Variants in XRN2 observed in about 807,000 individuals in gnomAD.
The protein encoded by XRN2 is 5'-3' exoribonuclease 2, also known as DHM1-like protein.
A neutral mutation model predicts 138.5 loss-of-function variants in XRN2; 44 were observed. That is an observed-to-expected ratio of 0.32 (90% CI 0.25 to 0.41). The LOEUF is 0.41. XRN2 is among the 10% of genes least tolerant of loss of function. The pLI is 1.00. For missense variants in XRN2, 937 were observed against 1,169.3 expected (o/e 0.80, Z 2.90); for synonymous variants, 354 against 369.4 (o/e 0.96, Z 0.48).
At chr20:21,353,405 C>T (rs2038537111) in intron 20 of XRN2, among the ~76,000 whole-genome samples, 1 of 150,470 alleles carries the variant, frequency 6.6e-6, no homozygotes, top group Non-Finnish European at 1.5e-5. Flanking sequence ...TTGAAATAGC[C>T]TGACTCACAT....
intron 29 of XRN2, 80 bp downstream of exon 29, chr20:21,387,086 A>G (rs1039256280): frequency 6.6e-6 from 10 of 1,518,064 alleles, no homozygotes; most frequent in East Asian, 2.3e-5. Flanking sequence ...TTTCTTACCA[A>G]CATTTCTGGA....
In XRN2 at chr20:21,334,002, C is replaced by A; in HGVS notation, c.1125+8C>A. On this transcript the variant is annotated splice_region_variant and intron_variant, in intron 12 of 29. Transcript: ENST00000377191. The stretch of plus-strand genomic sequence containing the variant: ...GTGGTACACAAAACTGGGGTAAGTT[C>A]ATTCTTGAATGATTTCAAAACAGAA... 2 of 1,613,986 alleles carry A rather than the reference C, an allele frequency of 1.2e-6. No homozygotes were observed. The highest frequency in any genetic ancestry group is 2.2e-5 in the South Asian group (2 of 90,992).
intron 1 of XRN2, among the ~76,000 whole-genome samples, chr20:21,322,704 T>C (rs1429639499): frequency 6.6e-6 from 1 of 152,256 alleles, no homozygotes; most frequent in Admixed American, 6.5e-5. Context: ...ATACAAACAT[T>C]ATTTGTATAT....
At chr20:21,366,224 A>G (rs1470324703) in intron 26 of XRN2, among the ~76,000 whole-genome samples, 11 of 133,200 alleles carry the variant, frequency 8.3e-5, no homozygotes. Flanking sequence ...TAGTTTATAT[A>G]TATATATTAT....
chr20:21,350,525 C>CAAAAAAAAAAAAAAAAAA (rs11484426), intron 20 of XRN2, among the ~76,000 whole-genome samples: 1 of 58,936 alleles, frequency 1.7e-5, no homozygotes, highest in Non-Finnish European at 2.8e-5. Flanking sequence ...GACTCCGTCT[C>CAAAAAAAAAAAAAAAAAA]AAAAAAAAAA....
intron 1 of XRN2, among the ~76,000 whole-genome samples, chr20:21,320,762 T>C (rs1282335283): frequency 3.8e-4 from 58 of 152,058 alleles, no homozygotes; most frequent in Non-Finnish European, 1.5e-5. Context: ...ACCTGGCTAA[T>C]TTTTTGTATT....
At position 21,380,595 on chromosome 20, in the gene XRN2, A is replaced by G. The variant is rs145320600; in HGVS notation, c.2585-1399A>G. Reference sequence around the variant, plus strand: ...GTGTGTAGTAGTCAGCATCCTCCACATTGTTACTCGGTTTGACTGCTAGTA... The same window carrying G: ...GTGTGTAGTAGTCAGCATCCTCCACGTTGTTACTCGGTTTGACTGCTAGTA... On this transcript the variant is annotated intron_variant, in intron 27 of 29. Transcript: ENST00000377191. Among the ~76,000 whole-genome samples, 561 of 152,298 alleles carry G rather than the reference A, an allele frequency of 3.7e-3. 3 individuals carry two copies. Among genetic ancestry groups the G allele is most frequent in the African/African-American group, 0.013 (536 of 41,564 alleles).
chr20:21,364,787 CA>C (rs1314435864), intron 24 of XRN2, among the ~76,000 whole-genome samples: 1 of 142,538 alleles, frequency 7.0e-6, no homozygotes, highest in African/African-American at 2.6e-5. Flanking sequence ...GCCTGGGCAA[CA>C]GGGCGAGACC....
intron 24 of XRN2, among the ~76,000 whole-genome samples, chr20:21,361,562 C>T (rs1228001722): frequency 1.3e-5 from 2 of 152,206 alleles, no homozygotes; most frequent in African/African-American, 4.8e-5. Context: ...TTTCCTTCCT[C>T]TGCTTCTCAG....
chr20:21,340,760 C>T lies in XRN2; in HGVS notation c.1318C>T (p.Pro440Ser). The change falls in exon 15 of 30, where the codon CCT becomes TCT. Residue 440 changes from proline (P) to serine (S), a missense_variant. Transcript: ENST00000377191. ...TTTCACTCCTAGTGGAATATTAACT[C>T]CTCATGCCTTGGGTTCAAGAAATTC... ...PAFTPSGILT[P>S]HALGSRNSPG... 1.2e-6 allele frequency: 2 copies of T among 1,613,952 alleles called. No individual in the cohort carries two copies. Among genetic ancestry groups the T allele is most frequent in the Non-Finnish European group, 1.7e-6 (2 of 1,179,896 alleles).
intron 1 of XRN2, chr20:21,303,825 T>G: frequency 9.5e-7 from 1 of 1,051,992 alleles, no homozygotes; most frequent in Non-Finnish European, 1.1e-6. Context: ...GTTCAGAGGC[T>G]GTTGTTGAGC....
intron 1 of XRN2, among the ~76,000 whole-genome samples, chr20:21,324,670 G>C (rs530700307): frequency 9.9e-4 from 150 of 152,190 alleles, no homozygotes; most frequent in African/African-American, 3.4e-3. Context: ...ATCTTACTCT[G>C]TCGCCCAGGC....
chr20:21,379,844 G>A (rs1184422243), intron 27 of XRN2, among the ~76,000 whole-genome samples: 4 of 152,102 alleles, frequency 2.6e-5, no homozygotes, highest in African/African-American at 9.7e-5. Context: ...ATATATTATG[G>A]GTGGTGATGG....
intron 27 of XRN2, among the ~76,000 whole-genome samples, chr20:21,371,598 A>G (rs6047404): frequency 0.68 from 103,079 of 152,180 alleles, 35,646 homozygotes; most frequent in South Asian, 0.83. Context: ...TGAAGGAGCT[A>G]TCTTTGCCCT....
intron 24 of XRN2, among the ~76,000 whole-genome samples, chr20:21,362,847 G>T (rs1032399513): frequency 1.3e-5 from 2 of 152,162 alleles, no homozygotes; most frequent in Non-Finnish European, 2.9e-5. Flanking sequence ...TCTCTAGAAT[G>T]ATACTAGCTA....
intron 24 of XRN2, among the ~76,000 whole-genome samples, chr20:21,360,966 T>G (rs2038630718): frequency 6.6e-6 from 1 of 152,210 alleles, no homozygotes; most frequent in Non-Finnish European, 1.5e-5. Context: ...TGTATGCCAA[T>G]TTAGCATTAA....
In XRN2 at chr20:21,365,701, T is replaced by C. The variant is rs772440461; in HGVS notation, c.2453T>C (p.Leu818Ser). 1.3e-6 allele frequency: 2 copies of C among 1,571,950 alleles called. No homozygotes were observed. The highest frequency in any genetic ancestry group is 1.6e-5 in the African/African-American group (1 of 63,768). Residue 818 changes from leucine (L) to serine (S), a missense_variant, in exon 26 of 30, where the codon TTG becomes TCG. Leu to Ser is a moderately radical substitution (Grantham distance 145, BLOSUM62 -2). Coordinates refer to ENST00000377191, the MANE Select transcript of XRN2 (RefSeq NM_012255.5). Reference protein sequence around the residue: ...VHLDQAAFRTLGHVMPRGSGT... With the variant: ...VHLDQAAFRTSGHVMPRGSGT... Reference sequence around the variant, plus strand: ...CTGGATCAGGCAGCCTTCAGGACTTTGGGGTGAGTTGTCAGTTTTTAGCCC... The same window carrying C: ...CTGGATCAGGCAGCCTTCAGGACTTCGGGGTGAGTTGTCAGTTTTTAGCCC...
chr20:21,364,191 A>G (rs990140407), intron 24 of XRN2, among the ~76,000 whole-genome samples: 3 of 152,250 alleles, frequency 2.0e-5, no homozygotes, highest in East Asian at 1.9e-4. Flanking sequence ...CCAACCTTCT[A>G]TTACTAAATT....
intron 15 of XRN2, among the ~76,000 whole-genome samples, chr20:21,343,520 T>C (rs2038398466): frequency 6.6e-6 from 1 of 151,692 alleles, no homozygotes; most frequent in Non-Finnish European, 1.5e-5. Flanking sequence ...CTTATTAAAC[T>C]TGCTTTTCAG....
Sources: gnomAD v4.1 joint callset for allele counts (sites outside exome capture counted in the v4.1 genomes callset) on GRCh38, gnomAD v4.1.1 for gene constraint, MANE v1.5 for transcripts, NCBI Gene and HGNC (gene_info 2026-07-23, HGNC 2026-07-21) for gene names.